The following AATF variants were observed in gnomAD, a reference collection of about 807,000 sequenced individuals.
AATF encodes apoptosis antagonizing transcription factor.
A neutral mutation model predicts 63.7 loss-of-function variants in AATF; 48 were observed. The ratio of observed to expected loss-of-function variants is 0.75; its 90% CI spans 0.60 to 0.96. The LOEUF is 0.96. Among genes scored for constraint, AATF ranks in the 40% least tolerant of loss-of-function variants. The pLI is 0.00. For synonymous variants in AATF, 258 were observed against 247.7 expected, an observed-to-expected ratio of 1.04 and a Z score of -0.39; for missense variants, 639 against 685.7, an observed-to-expected ratio of 0.93 and a Z score of 0.76.
At chr17:37,040,659 T>C (rs939241192) in intron 11 of AATF, among the ~76,000 whole-genome samples, 1 of 152,122 alleles carries the variant, frequency 6.6e-6, no homozygotes, top group African/African-American at 2.4e-5. Flanking sequence ...TTGGGAATCA[T>C]GTGCCACAGG....
At chr17:36,956,671 C>T (rs1271677248) in intron 4 of AATF, among the ~76,000 whole-genome samples, 1 of 135,308 alleles carries the variant, frequency 7.4e-6, no homozygotes, top group African/African-American at 2.8e-5. Flanking sequence ...GAAACTCCGT[C>T]TCAAAAAAAA....
At chr17:37,008,719 G>T (rs929582352) in intron 8 of AATF, among the ~76,000 whole-genome samples, 1 of 152,096 alleles carries the variant, frequency 6.6e-6, no homozygotes, top group Non-Finnish European at 1.5e-5. Flanking sequence ...GAAAAAATTA[G>T]CTGGGCATGC....
At chr17:37,013,944 T>G (rs531135807) in intron 8 of AATF, among the ~76,000 whole-genome samples, 5 of 152,182 alleles carry the variant, frequency 3.3e-5, no homozygotes, top group Non-Finnish European at 5.9e-5. Context: ...GACCTCATCC[T>G]AGAGCTCTCT....
At chr17:37,051,240 G>A (rs2071746413) in intron 11 of AATF, 1 of 152,244 alleles carries the variant, frequency 6.6e-6, no homozygotes, top group South Asian at 2.1e-4. Flanking sequence ...CTGTCTTTGT[G>A]GGTAGGTACA....
chr17:37,002,492 C>T (rs2071307170), intron 8 of AATF, among the ~76,000 whole-genome samples: 1 of 151,092 alleles, frequency 6.6e-6, no homozygotes, highest in African/African-American at 2.4e-5. Context: ...ACGGTGAAAC[C>T]CTGTCTCTAC....
chr17:36,991,268 C>T (rs1056862081), intron 8 of AATF, among the ~76,000 whole-genome samples: 8 of 152,076 alleles, frequency 5.3e-5, no homozygotes, highest in African/African-American at 1.9e-4. Flanking sequence ...CGCTACTGAT[C>T]CTATTATCTG....
At chr17:37,001,411 GGAAGGAAGGAAGGAAGGAAGGA>G (rs2071294890) in intron 8 of AATF, among the ~76,000 whole-genome samples, 24 of 106,266 alleles carry the variant, frequency 2.3e-4, no homozygotes, top group African/African-American at 8.9e-4. Flanking sequence ...GAGGGAGGAA[GGAAGGAAGGAAGGAAGGAAGGA>G]AGGAAGGAAG....
chr17:37,019,823 G>A (rs12600388), intron 9 of AATF, among the ~76,000 whole-genome samples: 1 of 152,178 alleles, frequency 6.6e-6, no homozygotes, highest in East Asian at 1.9e-4. Flanking sequence ...TTTTAGGGTA[G>A]GATGTTGATA....
intron 4 of AATF, among the ~76,000 whole-genome samples, chr17:36,975,369 T>A (rs1347419176): frequency 6.6e-6 from 1 of 152,200 alleles, no homozygotes; most frequent in Non-Finnish European, 1.5e-5. Context: ...AATGAGGATG[T>A]TTCTTAGTAA....
chr17:37,046,730 AACACACACACACACACACAC>A (rs58296683), intron 11 of AATF, among the ~76,000 whole-genome samples: 1 of 139,970 alleles, frequency 7.1e-6, no homozygotes, highest in Admixed American at 7.1e-5. Flanking sequence ...GTGCTCCCCC[AACACACACACACACACACAC>A]ACACACACAC....
In AATF at chr17:36,953,773, T is replaced by G. The variant is rs760365922; in HGVS notation, c.698T>G (p.Leu233Arg). 1 of 1,613,686 alleles carries G rather than the reference T, an allele frequency of 6.2e-7. No homozygotes were observed. ...GATTCTCTTTTCTTCTTTTCAGCAC[T>G]GTGGGACCAGCTCTTGGAAGGAAGG... ...KGRAVKNQIA[L>R]WDQLLEGRIK... Residue 233 changes from leucine (L) to arginine (R), a missense_variant, in exon 4 of 12, where the codon CTG (leucine) becomes CGG (arginine). By Grantham distance (102) the Leu-to-Arg change is moderately radical (BLOSUM62 -2). Coordinates refer to ENST00000619387, the MANE Select transcript of AATF (RefSeq NM_012138.4).
chr17:36,968,978 CT>C (rs536343871), intron 4 of AATF, among the ~76,000 whole-genome samples: 1 of 152,068 alleles, frequency 6.6e-6, no homozygotes, highest in East Asian at 1.9e-4. Context: ...CTCTAAGCTG[CT>C]TTTTTTGTTG....
Position 36,949,232 on chromosome 17 carries a change from G to T in AATF, c.91+16G>T. On this transcript the variant is annotated intron_variant, in intron 1 of 11. Transcript: ENST00000619387. ...CCCGAGGAAGGTGAGGCCGGACTGG[G>T]GCAGGCCACGTGCGGAGCGGTGGGC... 1.3e-6 allele frequency: 2 copies of T among 1,577,080 alleles called. No individual in the cohort carries two copies. The highest frequency in any genetic ancestry group is 8.6e-7 in the Non-Finnish European group (1 of 1,163,042).
chr17:37,016,490 G>T (rs1306657046), intron 8 of AATF, among the ~76,000 whole-genome samples: 1 of 152,150 alleles, frequency 6.6e-6, no homozygotes, highest in Non-Finnish European at 1.5e-5. Context: ...TGATTATCTG[G>T]AGGAATTTTA....
chr17:36,979,296 G>T (rs2071102857), intron 4 of AATF, among the ~76,000 whole-genome samples: 1 of 152,114 alleles, frequency 6.6e-6, no homozygotes, highest in African/African-American at 2.4e-5. Context: ...AAGATTGTGG[G>T]AGAATTAAAG....
At chr17:36,961,950 C>T (rs1192154875) in intron 4 of AATF, among the ~76,000 whole-genome samples, 1 of 152,184 alleles carries the variant, frequency 6.6e-6, no homozygotes, top group African/African-American at 2.4e-5. Context: ...GCTGGGATTA[C>T]AGGCGTGAGC....
intron 11 of AATF, among the ~76,000 whole-genome samples, chr17:37,032,858 C>T (rs751615878): frequency 2.6e-5 from 4 of 151,998 alleles, no homozygotes. Context: ...GATTGTTGGA[C>T]ATTTAAATGG....
chr17:36,981,877 C>G (rs914455034), intron 4 of AATF, among the ~76,000 whole-genome samples: 4 of 151,954 alleles, frequency 2.6e-5, no homozygotes, highest in Non-Finnish European at 4.4e-5. Context: ...ACAAAATTTA[C>G]TATCCTAACC....
At chr17:36,966,684 T>C (rs1355824977) in intron 4 of AATF, among the ~76,000 whole-genome samples, 5 of 152,220 alleles carry the variant, frequency 3.3e-5, no homozygotes, top group Non-Finnish European at 7.3e-5. Context: ...TTTGTTGTTG[T>C]TGTGGTAAAG....
Sources: allele counts gnomAD v4.1 joint callset (sites outside exome capture counted in the v4.1 genomes callset), GRCh38; gene constraint gnomAD v4.1.1; transcripts MANE v1.5; gene names NCBI Gene and HGNC (gene_info 2026-07-23, HGNC 2026-07-21).